The following EDA variants were observed in gnomAD, a reference collection of about 807,000 sequenced individuals.
The protein encoded by EDA is ectodysplasin A, also known as ectodysplasin-A.
EDA carries 2 observed loss-of-function variants against 23.6 expected under a neutral mutation model. The observed-to-expected ratio is 0.08, with a 90% CI of 0.03 to 0.27. EDA has a LOEUF of 0.27. Among genes scored for constraint, EDA ranks in the 10% least tolerant of loss-of-function variants. The pLI is 1.00. For synonymous variants in EDA, 131 were observed against 132.0 expected (o/e 0.99, Z 0.05); for missense variants, 229 against 324.2 (o/e 0.71, Z 2.26).
At chrX:69,837,566 A>G (rs1471806125) in intron 1 of EDA, among the ~76,000 whole-genome samples, 1 of 112,467 alleles carries the variant, frequency 8.9e-6, no homozygotes, top group African/African-American at 3.2e-5. Context: ...TCTTCAAGAC[A>G]CATATGAATA....
chrX:69,982,454 A>G (rs1363025821), intron 2 of EDA, among the ~76,000 whole-genome samples: 1 of 111,292 alleles, frequency 9.0e-6, no homozygotes, highest in Non-Finnish European at 1.9e-5. Flanking sequence ...AAATTGGGAA[A>G]GGCATCTTGC....
intron 1 of EDA, among the ~76,000 whole-genome samples, chrX:69,935,880 GCTCT>G (rs2018666687): frequency 9.2e-6 from 1 of 108,330 alleles, no homozygotes; most frequent in African/African-American, 3.3e-5. Context: ...AATTTTATTA[GCTCT>G]CTCTCTCTAT....
intron 1 of EDA, among the ~76,000 whole-genome samples, chrX:69,685,287 A>G (rs1478939601): frequency 8.9e-6 from 1 of 112,463 alleles, no homozygotes; most frequent in Non-Finnish European, 1.9e-5. Context: ...AAATTATTCA[A>G]CTAATTTTTT....
chrX:70,012,148 G>C (rs2019886010), intron 2 of EDA, among the ~76,000 whole-genome samples: 1 of 111,568 alleles, frequency 9.0e-6, no homozygotes, highest in African/African-American at 3.3e-5. Flanking sequence ...GATGCAGGTG[G>C]GTTTTGTCGA....
intron 3 of EDA, among the ~76,000 whole-genome samples, chrX:70,023,994 T>C (rs892755260): frequency 8.9e-6 from 1 of 111,807 alleles, no homozygotes; most frequent in Non-Finnish European, 1.9e-5. Context: ...AAGAGGAGAA[T>C]CAATCCAAAG....
In EDA at chrX:69,737,598, ATAGT is replaced by A. The variant is rs779509227; in HGVS notation, c.396+120897_396+120900del. Among the ~76,000 whole-genome samples the A allele has an allele frequency of 8.9e-5, 10 of 112,391 alleles. No homozygotes were observed. The East Asian group carries it at 2.5e-3, about 28-fold the overall frequency. ...CTAATTATTGTTATTTTTGCTTTAC[ATAGT>A]TATTTATCTTTTAAGAAGAATTAAA... On this transcript the variant is annotated intron_variant, in intron 1 of 7. Transcript: ENST00000374552.
At chrX:69,775,798 T>C (rs2014764710) in intron 1 of EDA, among the ~76,000 whole-genome samples, 1 of 112,267 alleles carries the variant, frequency 8.9e-6, no homozygotes, top group Admixed American at 9.5e-5. Flanking sequence ...ACATCTATTA[T>C]ATTTCTGTAT....
intron 2 of EDA, among the ~76,000 whole-genome samples, chrX:69,978,762 A>G (rs968430311): frequency 3.6e-5 from 4 of 111,190 alleles, no homozygotes; most frequent in Non-Finnish European, 5.7e-5. Flanking sequence ...AAGTTTGCCT[A>G]TTCGAGACAT....
At chrX:69,978,513 A>AT (rs1189565419) in intron 2 of EDA, among the ~76,000 whole-genome samples, 1 of 102,868 alleles carries the variant, frequency 9.7e-6, no homozygotes, top group South Asian at 4.9e-4. Flanking sequence ...AAAAAAAAAA[A>AT]AAAAAAAGAA....
chrX:69,634,084 G>A (rs1932705059), intron 1 of EDA, among the ~76,000 whole-genome samples: 2 of 111,855 alleles, frequency 1.8e-5, no homozygotes, highest in Admixed American at 1.9e-4. Flanking sequence ...TAATTGTTTT[G>A]ATTTGCATTT....
At chrX:69,999,204 G>A (rs1298708197) in intron 2 of EDA, among the ~76,000 whole-genome samples, 2 of 112,095 alleles carry the variant, frequency 1.8e-5, no homozygotes, top group African/African-American at 6.5e-5. Context: ...TCGTGTATGA[G>A]TTGTTGTCTC....
intron 1 of EDA, among the ~76,000 whole-genome samples, chrX:69,664,148 A>G (rs2147259186): frequency 8.9e-6 from 1 of 111,797 alleles, no homozygotes; most frequent in East Asian, 2.8e-4. Flanking sequence ...TGGTTTTGAA[A>G]TGTGAGGACA....
At chrX:69,624,404 A>G (rs5936708) in intron 1 of EDA, among the ~76,000 whole-genome samples, 25,094 of 110,377 alleles carry the variant, frequency 0.23, 2,136 homozygotes, top group Non-Finnish European at 0.24. Context: ...TCTATTGTCT[A>G]TTGTTTGTCT....
rs768014364 is a variant in EDA, at chrX:69,761,256, A to T, written c.396+144552A>T. Among the ~76,000 whole-genome samples, 6 of 111,076 alleles carry T rather than the reference A, an allele frequency of 5.4e-5. No homozygotes were observed. The South Asian group carries it at 2.3e-3, about 42-fold the overall frequency. Reference sequence around the variant, plus strand: ...ATCATAATCCCTTGCAAGTAAAAGGAGGAAAGATGTGTTAAAGTGTAAAGC... The same window carrying T: ...ATCATAATCCCTTGCAAGTAAAAGGTGGAAAGATGTGTTAAAGTGTAAAGC... On this transcript the variant is annotated intron_variant, in intron 1 of 7. Transcript: ENST00000374552.
At chrX:69,620,652 C>T in intron 1 of EDA, 1 of 164,196 alleles carries the variant, frequency 6.1e-6, no homozygotes, top group Non-Finnish European at 1.1e-5. Flanking sequence ...AACTCTGCTG[C>T]AACCCACCCA....
At chrX:70,020,161 T>C (rs2020010946) in intron 2 of EDA, among the ~76,000 whole-genome samples, 1 of 111,840 alleles carries the variant, frequency 8.9e-6, no homozygotes. Flanking sequence ...GAAAAGATTA[T>C]TAGGTTTAAC....
intron 1 of EDA, among the ~76,000 whole-genome samples, chrX:69,885,591 C>T (rs1602509128): frequency 8.9e-6 from 1 of 112,219 alleles, no homozygotes; most frequent in East Asian, 2.8e-4. Context: ...GTTCATATTT[C>T]TCCACAGCAA....
At chrX:69,649,365 G>A (rs2147240459) in intron 1 of EDA, among the ~76,000 whole-genome samples, 1 of 111,774 alleles carries the variant, frequency 8.9e-6, no homozygotes, top group East Asian at 2.8e-4. Context: ...ATAGGAGAAT[G>A]GTAACTCTAT....
intron 1 of EDA, among the ~76,000 whole-genome samples, chrX:69,699,669 C>T (rs1489019631): frequency 9.0e-6 from 1 of 110,844 alleles, no homozygotes; most frequent in Non-Finnish European, 1.9e-5. Flanking sequence ...GGGTGGGTCC[C>T]TTAGACTGCG....
Sources: allele counts gnomAD v4.1 joint callset (sites outside exome capture counted in the v4.1 genomes callset), GRCh38; gene constraint gnomAD v4.1.1; transcripts MANE v1.5; gene names NCBI Gene and HGNC (gene_info 2026-07-23, HGNC 2026-07-21).